The following ATP8A2 variants were observed in gnomAD, a reference collection of about 807,000 sequenced individuals.
ATP8A2 encodes the protein ATPase phospholipid transporting 8A2.
A neutral mutation model predicts 165.6 loss-of-function variants in ATP8A2; 100 were observed. The observed-to-expected ratio is 0.60, with a 90% CI of 0.51 to 0.71. The LOEUF (loss-of-function observed/expected upper bound fraction) is 0.71, where lower values mean the gene tolerates loss of function less well. ATP8A2 is among the 30% of genes least tolerant of loss of function. ATP8A2 has a pLI of 0.00. For synonymous variants in ATP8A2, 543 were observed against 548.8 expected, an observed-to-expected ratio of 0.99 and a Z score of 0.15; for missense variants, 1,227 against 1,479.5, an observed-to-expected ratio of 0.83 and a Z score of 2.80.
intron 25 of ATP8A2, among the ~76,000 whole-genome samples, chr13:25,766,479 C>T (rs990327000): frequency 6.6e-6 from 1 of 152,114 alleles, no homozygotes; most frequent in Non-Finnish European, 1.5e-5. Context: ...ACCTGTTGAG[C>T]GCTGCACGAC....
At position 25,821,637 on chromosome 13, in the gene ATP8A2, A is replaced by G. The variant is rs565447013; in HGVS notation, c.2680-6481A>G. ...AACATCTGTTAGAAACAAGATTTCT[A>G]AGTTTTGTATCGGGTTGACCAAATA... On this transcript the variant is annotated intron_variant, in intron 27 of 36. Transcript: ENST00000381655. Among the ~76,000 whole-genome samples, 401 of 152,304 alleles carry G rather than the reference A, an allele frequency of 2.6e-3. 2 individuals are homozygous for G. Among genetic ancestry groups the G allele is most frequent in the Non-Finnish European group, 4.8e-3 (327 of 68,012 alleles).
At chr13:25,916,470 GT>G (rs1954269682) in intron 33 of ATP8A2, among the ~76,000 whole-genome samples, 1 of 152,192 alleles carries the variant, frequency 6.6e-6, no homozygotes, top group African/African-American at 2.4e-5. Flanking sequence ...ATTTTCACAG[GT>G]TGCTGTCTTG....
intron 33 of ATP8A2, among the ~76,000 whole-genome samples, chr13:25,911,155 T>A (rs1444276558): frequency 6.6e-6 from 1 of 152,186 alleles, no homozygotes; most frequent in African/African-American, 2.4e-5. Flanking sequence ...TTCAAGCCCC[T>A]GCTGACAGGG....
chr13:25,500,302 T>C (rs1280251478), intron 2 of ATP8A2, among the ~76,000 whole-genome samples: 1 of 152,178 alleles, frequency 6.6e-6, no homozygotes, highest in Admixed American at 6.5e-5. Flanking sequence ...TCAATTATGT[T>C]ATTGTAGAGC....
At chr13:25,900,386 G>C (rs998738774) in intron 33 of ATP8A2, among the ~76,000 whole-genome samples, 1 of 152,188 alleles carries the variant, frequency 6.6e-6, no homozygotes, top group Non-Finnish European at 1.5e-5. Flanking sequence ...TCCTCTGAGA[G>C]TCAGCCAAAA....
Position 26,019,915 on chromosome 13 carries a change from A to G in ATP8A2, c.3497A>G (p.His1166Arg). 1 of 1,614,088 alleles carries G rather than the reference A, an allele frequency of 6.2e-7. No individual in the cohort carries two copies. Among genetic ancestry groups the G allele is most frequent in the Non-Finnish European group, 8.5e-7 (1 of 1,179,898 alleles). ...PHGYAFSQEE[H>R]GAVSQEEVIR... ...GGGTATGCTTTTTCTCAAGAAGAAC[A>G]CGGAGCTGTTAGTCAGGAAGAAGTC... is the stretch of plus-strand genomic sequence containing the variant. Residue 1166 changes from histidine (H) to arginine (R), a missense_variant, in exon 37 of 37, where the codon CAC (histidine) becomes CGC (arginine). His to Arg is a conservative substitution (Grantham distance 29). Transcript: ENST00000381655.
chr13:25,687,598 T>A (rs945378082), intron 24 of ATP8A2, among the ~76,000 whole-genome samples: 1 of 152,226 alleles, frequency 6.6e-6, no homozygotes, highest in Non-Finnish European at 1.5e-5. Flanking sequence ...TTCAGTGACT[T>A]CTGATCTGCG....
At chr13:25,591,290 C>G (rs1419593160) in intron 24 of ATP8A2, 2 of 456,538 alleles carry the variant, frequency 4.4e-6, no homozygotes, top group Non-Finnish European at 8.8e-6. Flanking sequence ...ATTCTGTGCC[C>G]CTTTGAACAA....
intron 33 of ATP8A2, among the ~76,000 whole-genome samples, chr13:25,907,143 T>C (rs1023650159): frequency 1.3e-5 from 2 of 152,080 alleles, no homozygotes; most frequent in Non-Finnish European, 2.9e-5. Flanking sequence ...GGCAGGAGAA[T>C]CACTTGAACC....
intron 1 of ATP8A2, among the ~76,000 whole-genome samples, chr13:25,446,283 C>G (rs1343685040): frequency 6.6e-6 from 1 of 152,084 alleles, no homozygotes; most frequent in South Asian, 2.1e-4. Context: ...GCTTGGAATG[C>G]CACAGAGAAT....
At chr13:25,653,647 G>C (rs2137644475) in intron 24 of ATP8A2, among the ~76,000 whole-genome samples, 1 of 152,296 alleles carries the variant, frequency 6.6e-6, no homozygotes, top group Non-Finnish European at 1.5e-5. Flanking sequence ...TGTTTTTGCT[G>C]TTGTCTCCTT....
intron 24 of ATP8A2, among the ~76,000 whole-genome samples, chr13:25,695,627 G>T (rs948530774): frequency 6.6e-6 from 1 of 152,214 alleles, no homozygotes; most frequent in Admixed American, 6.5e-5. Flanking sequence ...TTCACCAGGT[G>T]TAGATTCCAC....
intron 24 of ATP8A2, among the ~76,000 whole-genome samples, chr13:25,661,970 C>T (rs1484456015): frequency 6.6e-6 from 1 of 152,118 alleles, no homozygotes; most frequent in Non-Finnish European, 1.5e-5. Flanking sequence ...TCCTAGGACA[C>T]TAGAGACAGC....
At chr13:25,461,132 A>G (rs1463058978) in intron 1 of ATP8A2, among the ~76,000 whole-genome samples, 2 of 152,238 alleles carry the variant, frequency 1.3e-5, no homozygotes, top group Non-Finnish European at 2.9e-5. Context: ...ATTTGCAGTA[A>G]TAAGAAATCC....
intron 27 of ATP8A2, among the ~76,000 whole-genome samples, chr13:25,802,525 T>C (rs1161622867): frequency 6.6e-6 from 1 of 152,234 alleles, no homozygotes; most frequent in Non-Finnish European, 1.5e-5. Context: ...ACATGTTCAC[T>C]GTGCTTGAGA....
chr13:25,924,924 T>G (rs1418592680), intron 33 of ATP8A2, among the ~76,000 whole-genome samples: 1 of 152,224 alleles, frequency 6.6e-6, no homozygotes, highest in Admixed American at 6.5e-5. Flanking sequence ...GCTCCTCCTT[T>G]GCCTTCTGCC....
chr13:25,582,595 C>T (rs2039805905), intron 23 of ATP8A2, among the ~76,000 whole-genome samples: 1 of 152,256 alleles, frequency 6.6e-6, no homozygotes, highest in Non-Finnish European at 1.5e-5. Flanking sequence ...AGACCTGGTG[C>T]ATATGTGGTA....
intron 24 of ATP8A2, among the ~76,000 whole-genome samples, chr13:25,684,235 T>G (rs999239643): frequency 1.3e-5 from 2 of 152,262 alleles, no homozygotes; most frequent in Non-Finnish European, 2.9e-5. Context: ...GTCCTAGTAG[T>G]GAATGATTCT....
intron 25 of ATP8A2, among the ~76,000 whole-genome samples, chr13:25,718,148 G>C (rs547002560): frequency 6.6e-6 from 1 of 152,144 alleles, no homozygotes; most frequent in African/African-American, 2.4e-5. Context: ...TTTGTGTGGC[G>C]TGGTGGCCTT....
Sources: allele counts gnomAD v4.1 joint callset (sites outside exome capture counted in the v4.1 genomes callset), GRCh38; gene constraint gnomAD v4.1.1; transcripts MANE v1.5; gene names NCBI Gene and HGNC (gene_info 2026-07-23, HGNC 2026-07-21).